RARB: variants seen among roughly 807,000 people sequenced by gnomAD.
RARB encodes HBV-activated protein.
A neutral mutation model predicts 51.9 loss-of-function variants in RARB; 17 were observed. The observed-to-expected ratio is 0.33, with a 90% confidence interval of 0.22 to 0.49. RARB has a LOEUF of 0.49. Ranked by LOEUF, RARB falls within the 20% of genes least tolerant of loss-of-function variation. The probability of loss-of-function intolerance (pLI) is 0.99; values close to 1 mark genes in which losing one functional copy is unlikely to be tolerated. For synonymous variants in RARB, 215 were observed against 195.4 expected, an observed-to-expected ratio of 1.10 and a Z score of -0.84; for missense variants, 369 against 550.8, an observed-to-expected ratio of 0.67 and a Z score of 3.30.
At chr3:24,878,038 G>A (rs557863369) in intron 2 of RARB, among the ~76,000 whole-genome samples, 2 of 152,220 alleles carry the variant, frequency 1.3e-5, no homozygotes, top group African/African-American at 4.8e-5. Flanking sequence ...CACGTGCAAG[G>A]TTCCAAAATG....
chr3:25,361,931 G>A (rs940365829), intron 5 of RARB, among the ~76,000 whole-genome samples: 1 of 152,162 alleles, frequency 6.6e-6, no homozygotes, highest in African/African-American at 2.4e-5. Context: ...CTGCTGGGAG[G>A]TGTCTCCCTT....
At chr3:24,913,060 A>G (rs1411743184) in intron 2 of RARB, among the ~76,000 whole-genome samples, 2 of 137,754 alleles carry the variant, frequency 1.5e-5, no homozygotes, top group African/African-American at 2.7e-5. Context: ...GGCTCACTGC[A>G]AGCTCCGCCT....
intron 2 of RARB, among the ~76,000 whole-genome samples, chr3:24,910,540 G>T (rs1170019021): frequency 6.6e-6 from 1 of 152,072 alleles, no homozygotes; most frequent in Non-Finnish European, 1.5e-5. Context: ...AATCCTATTT[G>T]CTCTAACAGA....
At position 25,401,912 on chromosome 3, in the gene RARB, G is replaced by T. The variant is rs569107237; in HGVS notation, c.179-59281G>T. Among the ~76,000 whole-genome samples, 16 of 152,218 alleles carry T rather than the reference G, an allele frequency of 1.1e-4. No individual in the cohort carries two copies. The South Asian group carries it at 2.7e-3, about 26-fold the overall frequency. ...CTACCTCAGCCTCCTGAGTAGTTGG[G>T]ATTATAGGTGTGCGCCACCAAGCTT... On this transcript the variant is annotated intron_variant, in intron 5 of 11. Coordinates refer to the RARB transcript ENST00000383772.
At chr3:24,856,015 G>T (rs1224946200) in intron 1 of RARB, among the ~76,000 whole-genome samples, 1 of 152,118 alleles carries the variant, frequency 6.6e-6, no homozygotes, top group East Asian at 1.9e-4. Flanking sequence ...CTCCCAAAGT[G>T]CTGGGATTAC....
At chr3:24,909,562 T>C (rs1392070728) in intron 2 of RARB, among the ~76,000 whole-genome samples, 1 of 150,408 alleles carries the variant, frequency 6.6e-6, no homozygotes, top group East Asian at 1.9e-4. Context: ...GTTTTCTTCA[T>C]CTTTTTTTTT....
chr3:25,559,165 C>A (rs1244358388), intron 3 of RARB, among the ~76,000 whole-genome samples: 5 of 152,248 alleles, frequency 3.3e-5, no homozygotes, highest in African/African-American at 7.2e-5. Flanking sequence ...CAGGCCTTTG[C>A]GCACATTGGT....
chr3:25,208,835 C>T (rs1701625556), intron 5 of RARB, among the ~76,000 whole-genome samples: 1 of 152,116 alleles, frequency 6.6e-6, no homozygotes, highest in Non-Finnish European at 1.5e-5. Flanking sequence ...GGACTCAGGG[C>T]CCATCATACT....
intron 2 of RARB, among the ~76,000 whole-genome samples, chr3:24,877,528 A>T (rs960766794): frequency 6.6e-6 from 1 of 151,928 alleles, no homozygotes. Context: ...AAAATCCTGA[A>T]GTTTCACTTC....
At chr3:25,440,035 G>C (rs1708595218) in intron 1 of RARB, among the ~76,000 whole-genome samples, 1 of 152,132 alleles carries the variant, frequency 6.6e-6, no homozygotes, top group African/African-American at 2.4e-5. Flanking sequence ...TCTTTAAAAT[G>C]AATCCATAAC....
intron 5 of RARB, among the ~76,000 whole-genome samples, chr3:25,321,892 A>T (rs556510122): frequency 6.6e-6 from 1 of 151,818 alleles, no homozygotes; most frequent in East Asian, 1.9e-4. Context: ...AGACAAAAAG[A>T]TTATTTGGGG....
chr3:25,243,676 A>C (rs1293825261), intron 5 of RARB, among the ~76,000 whole-genome samples: 1 of 152,182 alleles, frequency 6.6e-6, no homozygotes, highest in African/African-American at 2.4e-5. Context: ...GTCGTGGTGG[A>C]TAAGCTTTTT....
chr3:25,038,411 A>G (rs1276521774), intron 2 of RARB, among the ~76,000 whole-genome samples: 1 of 152,160 alleles, frequency 6.6e-6, no homozygotes, highest in Non-Finnish European at 1.5e-5. Flanking sequence ...TGTACCCTTG[A>G]GTTTCTCTAA....
chr3:25,107,512 G>T (rs1351596870), intron 3 of RARB, among the ~76,000 whole-genome samples: 2 of 152,102 alleles, frequency 1.3e-5, no homozygotes, highest in Non-Finnish European at 2.9e-5. Flanking sequence ...ATATATTAAA[G>T]ATGAATTAAG....
intron 5 of RARB, among the ~76,000 whole-genome samples, chr3:25,584,573 G>A (rs558728344): frequency 1.3e-5 from 2 of 152,268 alleles, no homozygotes; most frequent in African/African-American, 4.8e-5. Flanking sequence ...AGGCCCTGGG[G>A]CAGAGGAAGC....
At chr3:24,973,291 G>T (rs1321925870) in intron 2 of RARB, among the ~76,000 whole-genome samples, 2 of 152,020 alleles carry the variant, frequency 1.3e-5, no homozygotes, top group Non-Finnish European at 2.9e-5. Flanking sequence ...CTGTAAAAGT[G>T]TAGATTTATA....
Position 24,985,718 on chromosome 3 carries a change from A to G in RARB, c.-379-74407A>G, listed in dbSNP as rs572810347. ...ATTTTGTTCATTTTTTTTCCATTTT[A>G]TGAGCCATGCCTTCTCCAGAACAGT... is the stretch of plus-strand genomic sequence containing the variant. On this transcript the variant is annotated intron_variant, in intron 2 of 11. Coordinates refer to the RARB transcript ENST00000383772. 5.3e-5 allele frequency among the ~76,000 whole-genome samples: 8 copies of G among 152,238 alleles called. No individual in the cohort carries two copies. The East Asian group carries it at 5.8e-4, about 11-fold the overall frequency.
chr3:25,085,906 A>C (rs964290697), intron 3 of RARB, among the ~76,000 whole-genome samples: 1 of 148,140 alleles, frequency 6.8e-6, no homozygotes, highest in Non-Finnish European at 1.5e-5. Context: ...TGTAATGTTT[A>C]AATGTGAAGG....
At chr3:25,421,683 C>T (rs1707869749) in intron 5 of RARB, among the ~76,000 whole-genome samples, 2 of 152,078 alleles carry the variant, frequency 1.3e-5, no homozygotes, top group Non-Finnish European at 2.9e-5. Flanking sequence ...GGATTACAGG[C>T]GTGAGCCACT....
Sources: gnomAD v4.1 joint callset for allele counts (sites outside exome capture counted in the v4.1 genomes callset) on GRCh38, gnomAD v4.1.1 for gene constraint, MANE v1.5 for transcripts, NCBI Gene and HGNC (gene_info 2026-07-23, HGNC 2026-07-21) for gene names.